Variants in RNF24 observed in about 807,000 individuals in gnomAD.
RNF24 encodes the protein ring finger protein 24.
Under a neutral mutation model 20.0 loss-of-function variants are expected in RNF24, and 14 were observed. The observed-to-expected ratio is 0.70, with a 90% CI of 0.46 to 1.10. RNF24 has a LOEUF of 1.10. RNF24 is among the 50% of genes least tolerant of loss of function. The pLI is 0.00. For synonymous variants in RNF24, 45 were observed against 61.1 expected (o/e 0.74, Z 1.23); for missense variants, 124 against 177.6 (o/e 0.70, Z 1.71).
rs189597499 is a variant in RNF24 at position 3,997,735 on chromosome 20, T to A, written c.-8+17702A>T. Among the ~76,000 whole-genome samples, 23 of 152,308 alleles carry A rather than the reference T, an allele frequency of 1.5e-4. No homozygotes were observed. The East Asian group carries it at 3.5e-3, about 23-fold the overall frequency. ...GCCACTGCACCTGGACAGAAAAATA[T>A]GGCTTTTGCTAAGACTATAGATACT... On this transcript the variant is annotated intron_variant, in intron 1 of 5. Coordinates refer to ENST00000358395, the MANE Select transcript of RNF24 (RefSeq NM_001134337.3).
rs530617806 is a variant in RNF24, at chr20:3,976,890, T to C, written c.-7-12866A>G. Among the ~76,000 whole-genome samples, 5 of 152,356 alleles carry C rather than the reference T, an allele frequency of 3.3e-5. No individual in the cohort carries two copies. In the South Asian group the frequency reaches 1.0e-3, roughly 32 times the overall value. On this transcript the variant is annotated intron_variant, in intron 1 of 5. Coordinates refer to ENST00000358395, the MANE Select transcript of RNF24 (RefSeq NM_001134337.3). ...AGTTAATATCCTGGTTATGATATTA[T>C]ACTATAGTTTTACAAGATGTTATCA...
intron 4 of RNF24, among the ~76,000 whole-genome samples, chr20:3,939,806 A>G (rs1257591658): frequency 6.6e-6 from 1 of 152,204 alleles, no homozygotes; most frequent in African/African-American, 2.4e-5. Flanking sequence ...ACTTACCAAT[A>G]TTACATTTTC....
chr20:3,954,144 G>C (rs2091114941), intron 2 of RNF24, among the ~76,000 whole-genome samples: 1 of 152,088 alleles, frequency 6.6e-6, no homozygotes, highest in South Asian at 2.1e-4. Context: ...GTGGTAAGTA[G>C]TGTACTCACA....
intron 1 of RNF24, among the ~76,000 whole-genome samples, chr20:4,001,980 C>T (rs1169041778): frequency 1.1e-4 from 16 of 151,240 alleles, no homozygotes; most frequent in South Asian, 4.2e-4. Context: ...GGGCCGGGCG[C>T]GGTGGCTGAC....
intron 1 of RNF24, among the ~76,000 whole-genome samples, chr20:4,002,817 T>A (rs1981523409): frequency 6.6e-6 from 1 of 152,202 alleles, no homozygotes; most frequent in Non-Finnish European, 1.5e-5. Context: ...GGAATGCAGC[T>A]GTCCATTTAC....
chr20:3,978,872 G>A (rs73610121), intron 1 of RNF24, among the ~76,000 whole-genome samples: 1 of 151,600 alleles, frequency 6.6e-6, no homozygotes, highest in African/African-American at 2.4e-5. Flanking sequence ...TTGGGAGGCC[G>A]AGGTGGGTGG....
At chr20:3,986,962 C>A (rs1979979103) in intron 1 of RNF24, among the ~76,000 whole-genome samples, 1 of 152,076 alleles carries the variant, frequency 6.6e-6, no homozygotes, top group African/African-American at 2.4e-5. Context: ...AGCTGGATTG[C>A]AGTAGCATGA....
At chr20:3,954,113 C>G (rs1050965958) in intron 2 of RNF24, among the ~76,000 whole-genome samples, 3 of 151,942 alleles carry the variant, frequency 2.0e-5, no homozygotes, top group Non-Finnish European at 2.9e-5. Flanking sequence ...TACAACTAAC[C>G]GCCTTCAAGT....
At chr20:3,948,023 G>A (rs2091039789) in intron 3 of RNF24, among the ~76,000 whole-genome samples, 1 of 150,990 alleles carries the variant, frequency 6.6e-6, no homozygotes, top group African/African-American at 2.4e-5. Flanking sequence ...TCCAGCCTGG[G>A]CAACAAGAGC....
At chr20:3,936,158 G>C (rs1335259514) in intron 4 of RNF24, among the ~76,000 whole-genome samples, 1 of 152,204 alleles carries the variant, frequency 6.6e-6, no homozygotes, top group African/African-American at 2.4e-5. Context: ...TCCTTGCTGA[G>C]GTAGCTTTCA....
chr20:4,010,985 TG>T (rs1278751400), intron 1 of RNF24, among the ~76,000 whole-genome samples: 1 of 152,154 alleles, frequency 6.6e-6, no homozygotes, highest in Non-Finnish European at 1.5e-5. Flanking sequence ...TTGGGTGAGA[TG>T]GGGGGAGTAT....
intron 2 of RNF24, among the ~76,000 whole-genome samples, chr20:3,949,262 C>T (rs1368849476): frequency 6.6e-6 from 1 of 152,228 alleles, no homozygotes; most frequent in Non-Finnish European, 1.5e-5. Flanking sequence ...TGCCTGTAAT[C>T]CCAGCTACTT....
In RNF24 at chr20:3,932,013, A is replaced by C. The variant is rs1286665020; in HGVS notation, c.*2050T>G. 4 of 152,252 alleles carry C rather than the reference A, an allele frequency of 2.6e-5. No homozygotes were observed. The highest frequency in any genetic ancestry group is 5.9e-5 in the Non-Finnish European group (4 of 68,038). 9.4% of individuals were successfully genotyped at this position (152,252 alleles called of 1,614,324 possible). A position where few individuals can be genotyped will look rare whatever the true frequency, so the allele number is the denominator to read the frequency against. On this transcript the variant is annotated 3_prime_UTR_variant, in exon 6 of 6. Transcript: ENST00000358395. ...AAGCCTGCAACTTTCAGTTGGGAGAATCCTATAAAAGCTGTGAGCAGCAAT... is the reference window on the plus strand; with the variant it reads ...AAGCCTGCAACTTTCAGTTGGGAGACTCCTATAAAAGCTGTGAGCAGCAAT...
At chr20:3,938,821 C>T (rs1328361749) in intron 4 of RNF24, among the ~76,000 whole-genome samples, 1 of 152,140 alleles carries the variant, frequency 6.6e-6, no homozygotes, top group African/African-American at 2.4e-5. Flanking sequence ...TCACTGCAGC[C>T]TCAATCTCCT....
chr20:3,933,388 C>G lies in RNF24; in HGVS notation c.*675G>C. 1 of 394,346 alleles carries G rather than the reference C, an allele frequency of 2.5e-6. No homozygotes were observed. Among genetic ancestry groups the G allele is most frequent in the East Asian group, 3.6e-5 (1 of 27,774 alleles). 24.4% of individuals were successfully genotyped at this position (394,346 alleles called of 1,614,324 possible). On this transcript the variant is annotated 3_prime_UTR_variant, in exon 6 of 6. Transcript: ENST00000358395. Reference sequence around the variant, plus strand: ...CTGCTGGGGCTCTGGACGGGCCTTACTGGTGCATAGGAGAGGGAAATGATA... The same window carrying G: ...CTGCTGGGGCTCTGGACGGGCCTTAGTGGTGCATAGGAGAGGGAAATGATA...
chr20:3,936,786 T>C (rs1009055315), intron 4 of RNF24, among the ~76,000 whole-genome samples: 1 of 152,222 alleles, frequency 6.6e-6, no homozygotes, highest in African/African-American at 2.4e-5. Context: ...TTATTTTTAT[T>C]CACTTATTTT....
rs1568619436 is a variant in RNF24 at position 3,945,227 on chromosome 20, C to A, written c.187-9G>T. 1 of 1,581,970 alleles carries A rather than the reference C, an allele frequency of 6.3e-7. No homozygotes were observed. Among genetic ancestry groups the A allele is most frequent in the Admixed American group, 1.9e-5 (1 of 53,784 alleles). ...TTCTCTTTTAATATAACCTGTAAGACAAAAAAGTATGTTCTTATGCCCATT... is the reference window on the plus strand; with the variant it reads ...TTCTCTTTTAATATAACCTGTAAGAAAAAAAAGTATGTTCTTATGCCCATT... On this transcript the variant is annotated splice_polypyrimidine_tract_variant and intron_variant, in intron 3 of 5. Coordinates refer to ENST00000358395, the MANE Select transcript of RNF24 (RefSeq NM_001134337.3).
At chr20:4,011,255 C>T (rs1474154903) in intron 1 of RNF24, among the ~76,000 whole-genome samples, 1 of 152,118 alleles carries the variant, frequency 6.6e-6, no homozygotes, top group Non-Finnish European at 1.5e-5. Flanking sequence ...GATTTTAACA[C>T]CAAGCTAAAC....
At chr20:3,966,397 T>C (rs2091258329) in intron 1 of RNF24, among the ~76,000 whole-genome samples, 1 of 150,462 alleles carries the variant, frequency 6.6e-6, no homozygotes, top group Non-Finnish European at 1.5e-5. Flanking sequence ...AAGGAATTCC[T>C]GAAAGGATAA....
Sources: allele counts gnomAD v4.1 joint callset (sites outside exome capture counted in the v4.1 genomes callset), GRCh38; gene constraint gnomAD v4.1.1; transcripts MANE v1.5; gene names NCBI Gene and HGNC (gene_info 2026-07-23, HGNC 2026-07-21).